Variants in LMTK3 observed in about 807,000 individuals in gnomAD.
The protein encoded by LMTK3 is serine/threonine-protein kinase LMTK3.
LMTK3 carries 27 observed loss-of-function variants against 116.7 expected under a neutral mutation model. The ratio of observed to expected loss-of-function variants is 0.23; its 90% CI spans 0.17 to 0.32. The LOEUF is 0.32. Among genes scored for constraint, LMTK3 ranks in the 10% least tolerant of loss-of-function variants. The probability of loss-of-function intolerance (pLI) is 1.00; values close to 1 mark genes in which losing one functional copy is unlikely to be tolerated. For synonymous variants in LMTK3, 965 were observed against 971.0 expected (o/e 0.99, Z 0.11); for missense variants, 1,764 against 2,068.5 (o/e 0.85, Z 2.86).
At position 48,498,221 on chromosome 19, in the gene LMTK3, C is replaced by A. The variant is rs374953584; in HGVS notation, c.2848G>T (p.Gly950Trp). ...EEKAAENGAL[G>W]SPEREEKVLE... ...ACTTTCTCTTCTCTCTCGGGGGACC[C>A]CAGGGCCCCATTCTCCGCCGCCTTC... is the stretch of plus-strand genomic sequence containing the variant. The change falls in exon 11 of 15, where the codon GGG (glycine) becomes TGG (tryptophan). Residue 950 changes from glycine (G) to tryptophan (W), a missense_variant. Physicochemically the swap from Gly to Trp is radical, Grantham distance 184 (BLOSUM62 -2). Around this residue, in one of 7 missense-constraint regions of LMTK3, gnomAD observed 1,028 missense variants for 1,050.6 expected, o/e 0.98. Coordinates refer to ENST00000600059, the MANE Select transcript of LMTK3 (RefSeq NM_001388485.1). 1.2e-6 allele frequency: 2 copies of A among 1,613,432 alleles called. No individual in the cohort carries two copies. The highest frequency in any genetic ancestry group is 1.7e-6 in the Non-Finnish European group (2 of 1,179,736).
intron 2 of LMTK3, 54 bp from the exon 3 acceptor site, chr19:48,510,227 C>A: frequency 6.4e-7 from 1 of 1,567,204 alleles, no homozygotes; most frequent in Non-Finnish European, 8.7e-7. Flanking sequence ...GAGAGACACG[C>A]CATCGTCTTT....
intron 1 of LMTK3, 66 bp from the exon 2 acceptor site, chr19:48,510,658 C>G (rs1972642139): frequency 2.7e-6 from 4 of 1,467,208 alleles, no homozygotes; most frequent in Non-Finnish European, 3.6e-6. Flanking sequence ...CATGCCCCCT[C>G]CCGTCCCGGC....
upstream of LMTK3, among the ~76,000 whole-genome samples, chr19:48,512,334 A>G (rs567127593): frequency 6.6e-6 from 1 of 152,260 alleles, no homozygotes; most frequent in East Asian, 1.9e-4. Flanking sequence ...CCGGCCACGC[A>G]GGAACGTCAA....
intron 14 of LMTK3, among the ~76,000 whole-genome samples, chr19:48,490,852 G>C (rs956541064): frequency 2.1e-4 from 32 of 152,286 alleles, no homozygotes; most frequent in African/African-American, 6.7e-4. Flanking sequence ...CGGGGGTGGG[G>C]GTAATCCCCA....
upstream of LMTK3, chr19:48,511,899 T>C (rs1373952430): frequency 1.1e-5 from 3 of 269,862 alleles, no homozygotes; most frequent in African/African-American, 2.3e-5. Context: ...GCAGCCAGGA[T>C]TGGGGGAGCA....
At chr19:48,501,594 G>A in intron 7 of LMTK3, 32 bp from the exon 8 acceptor site, 1 of 1,573,354 alleles carries the variant, frequency 6.4e-7, no homozygotes. Context: ...GTGAGCGCAG[G>A]GGCAGCCCTC....
At chr19:48,502,289 C>G in intron 7 of LMTK3, 144 bp downstream of exon 7, 1 of 978,694 alleles carries the variant, frequency 1.0e-6, no homozygotes, top group Non-Finnish European at 1.5e-6. Context: ...CTCCTGGCCC[C>G]TTCTCCTCCA....
At position 48,491,208 on chromosome 19, in the gene LMTK3, G is replaced by T; in HGVS notation, c.4266C>A (p.Leu1422=). 7.1e-7 allele frequency: 1 copy of T among 1,402,218 alleles called. No homozygotes were observed. Among genetic ancestry groups the T allele is most frequent in the East Asian group, 2.8e-5 (1 of 35,368 alleles). The allele number at this position is 1,402,218 out of a possible 1,614,324, so 86.9% of individuals were successfully genotyped here. A position where few individuals can be genotyped will look rare whatever the true frequency, so the allele number is the denominator to read the frequency against. Residue 1422 remains leucine, a synonymous_variant, in exon 14 of 15, where the codon CTC becomes CTA. Coordinates refer to ENST00000600059, the MANE Select transcript of LMTK3 (RefSeq NM_001388485.1). The surrounding 1 kb of genome is among the most constrained non-coding windows in gnomAD (Gnocchi z 5.1). The part of the protein sequence containing the change: ...SFEWAEDFPL[L]PPPGPPLCFS... ...AGCACAGCGGGGGGCCTGGAGGGGG[G>T]AGGAGGGGGAAATCCTCCGCCCACT...
chr19:48,489,634 G>A (rs188798074), intron 14 of LMTK3, among the ~76,000 whole-genome samples: 1 of 152,186 alleles, frequency 6.6e-6, no homozygotes, highest in Non-Finnish European at 1.5e-5. Context: ...CTGCACAGGC[G>A]CTGTGCTGCA....
At chr19:48,503,074 A>C in intron 5 of LMTK3, 78 bp from the exon 6 acceptor site, 1 of 809,294 alleles carries the variant, frequency 1.2e-6, no homozygotes, top group Non-Finnish European at 2.1e-6. Context: ...GCAGAACCAA[A>C]CTGCTGCCTC....
chr19:48,505,433 A>G (rs190065260), intron 5 of LMTK3, among the ~76,000 whole-genome samples: 279 of 152,222 alleles, frequency 1.8e-3, no homozygotes, highest in Non-Finnish European at 3.4e-3. Flanking sequence ...TCTTTTTAAA[A>G]TGCATTTCTG....
rs772585585 is a variant in LMTK3, at chr19:48,509,992, ATGGGATGC to A, written c.361+23_361+30del. On this transcript the variant is annotated intron_variant, in intron 3 of 14. Coordinates refer to ENST00000600059, the MANE Select transcript of LMTK3 (RefSeq NM_001388485.1). ...ATCTTCTGGCCTTTCCCGGGACACC[ATGGGATGC>A]TGGTCATGGCGTGGGGCAGTACCTG... 31 of 1,610,000 alleles carry A rather than the reference ATGGGATGC, an allele frequency of 1.9e-5. No individual in the cohort carries two copies. In the East Asian group the frequency reaches 6.7e-4, roughly 35 times the overall value.
At chr19:48,493,649 C>A (rs767098576) in intron 12 of LMTK3, 45 bp downstream of exon 12, 6 of 1,531,470 alleles carry the variant, frequency 3.9e-6, no homozygotes, top group African/African-American at 1.4e-5. Context: ...GCTCCTGCTC[C>A]CTCCAGGCCG....
At chr19:48,486,047 CTTTTTTTTTTTTTTTTTTTT>C (rs141193575) in intron 14 of LMTK3, among the ~76,000 whole-genome samples, 1 of 59,712 alleles carries the variant, frequency 1.7e-5, no homozygotes, top group African/African-American at 7.7e-5. Flanking sequence ...AACATTCTTC[CTTTTTTTTTTTTTTTTTTTT>C]TTTTTTTTTT....
intron 12 of LMTK3, among the ~76,000 whole-genome samples, chr19:48,492,198 T>C (rs1041153115): frequency 1.3e-5 from 2 of 152,218 alleles, no homozygotes; most frequent in Non-Finnish European, 2.9e-5. Context: ...CCTGTGTTTT[T>C]CTTTTTGTTT....
Position 48,491,213 on chromosome 19 carries a change from G to A in LMTK3, c.4261C>T (p.Leu1421Phe), listed in dbSNP as rs1315759494. ...AGCGGGGGGCCTGGAGGGGGGAGGA[G>A]GGGGAAATCCTCCGCCCACTCGAAA... is the stretch of plus-strand genomic sequence containing the variant. ...GSFEWAEDFP[L>F]LPPPGPPLCF... The change falls in exon 14 of 15, where the codon CTC (leucine) becomes TTC (phenylalanine). Residue 1421 changes from leucine to phenylalanine, a missense_variant. Physicochemically the swap from Leu to Phe is conservative, Grantham distance 22. Transcript: ENST00000600059. The surrounding 1 kb of genome is among the most constrained non-coding windows in gnomAD (Gnocchi z 5.1). The A allele has an allele frequency of 7.1e-7, 1 of 1,409,780 alleles. No homozygotes were observed. Among genetic ancestry groups the A allele is most frequent in the Non-Finnish European group, 9.3e-7 (1 of 1,078,824 alleles). 87.3% of individuals were successfully genotyped at this position (1,409,780 alleles called of 1,614,324 possible). A position where few individuals can be genotyped will look rare whatever the true frequency, so the allele number is the denominator to read the frequency against.
At position 48,491,131 on chromosome 19, in the gene LMTK3, C is replaced by T. The variant is rs375803136; in HGVS notation, c.4343G>A (p.Arg1448Gln). ...ACCTGCGGGCCGGGCGTCGGGGGCCCGGGCGGGTGGCCCCGGGGTCTCCAG... is the reference window on the plus strand; with the variant it reads ...ACCTGCGGGCCGGGCGTCGGGGGCCTGGGCGGGTGGCCCCGGGGTCTCCAG... ...PALETPGPPA[R>Q]APDARPAGPV... Residue 1448 changes from arginine to glutamine, a missense_variant, in exon 14 of 15, where the codon CGG becomes CAG. Physicochemically the swap from Arg to Gln is conservative, Grantham distance 43. Coordinates refer to ENST00000600059, the MANE Select transcript of LMTK3 (RefSeq NM_001388485.1). This position sits in a 1 kb window ranked among gnomAD's most constrained non-coding sequence, Gnocchi z 5.1. The T allele has an allele frequency of 3.1e-5, 39 of 1,245,308 alleles. No individual in the cohort carries two copies. The highest frequency in any genetic ancestry group is 3.5e-5 in the Non-Finnish European group (35 of 988,844). The allele number at this position is 1,245,308 out of a possible 1,614,324, so 77.1% of individuals were successfully genotyped here. A position where few individuals can be genotyped will look rare whatever the true frequency, so the allele number is the denominator to read the frequency against.
rs770522825 is a variant in LMTK3, at chr19:48,501,556, C to T, written c.801G>A (p.Leu267=). 6.2e-7 allele frequency: 1 copy of T among 1,607,948 alleles called. No individual in the cohort carries two copies. Among genetic ancestry groups the T allele is most frequent in the Middle Eastern group, 1.7e-4 (1 of 5,904 alleles). Residue 267 remains leucine (L), a synonymous_variant, in exon 8 of 15, where the codon CTG becomes CTA. Coordinates refer to ENST00000600059, the MANE Select transcript of LMTK3 (RefSeq NM_001388485.1). ...LHSHNYVHSD[L]ALRNCLLTSD... is the part of the protein sequence containing the mutation. ...AGGTCAGCAGGCAGTTGCGCAGGGCCAGGTCGCTGCGGGAAGAACGCGAGG... is the reference window on the plus strand; with the variant it reads ...AGGTCAGCAGGCAGTTGCGCAGGGCTAGGTCGCTGCGGGAAGAACGCGAGG...
intron 6 of LMTK3, 62 bp downstream of exon 6, chr19:48,502,847 G>C: frequency 7.9e-7 from 1 of 1,258,642 alleles, no homozygotes; most frequent in African/African-American, 1.5e-5. Flanking sequence ...GGGGCACCAG[G>C]CTTGGCCCCG....
Sources: allele counts gnomAD v4.1 joint callset (sites outside exome capture counted in the v4.1 genomes callset), GRCh38; gene constraint gnomAD v4.1.1; regional missense constraint gnomAD v4.1.1; non-coding constraint Gnocchi (gnomAD v3.1); transcripts MANE v1.5; gene names NCBI Gene and HGNC (gene_info 2026-07-23, HGNC 2026-07-21).